The following ACAP2 variants were observed in gnomAD, a reference collection of about 807,000 sequenced individuals.
ACAP2 encodes the protein ArfGAP with coiled-coil, ankyrin repeat and PH domains 2.
ACAP2 carries 39 observed loss-of-function variants against 115.8 expected under a neutral mutation model. That is an observed-to-expected ratio of 0.34 (90% CI 0.26 to 0.44). The LOEUF is 0.44. Ranked by LOEUF, ACAP2 falls within the 20% of genes least tolerant of loss-of-function variation. ACAP2 has a pLI of 1.00. For synonymous variants in ACAP2, 289 were observed against 315.8 expected, an observed-to-expected ratio of 0.92 and a Z score of 0.90; for missense variants, 662 against 927.6, an observed-to-expected ratio of 0.71 and a Z score of 3.72.
At chr3:195,333,854 G>A (rs1481919623) in intron 7 of ACAP2, among the ~76,000 whole-genome samples, 1 of 152,144 alleles carries the variant, frequency 6.6e-6, no homozygotes. Flanking sequence ...CAATCTACGA[G>A]AGCACAAGCA....
At chr3:195,376,407 T>A (rs1269911573) in intron 4 of ACAP2, among the ~76,000 whole-genome samples, 4 of 151,762 alleles carry the variant, frequency 2.6e-5, no homozygotes, top group South Asian at 2.1e-4. Context: ...ATATATATAT[T>A]GTGATAAAAC....
At chr3:195,327,060 C>T in intron 8 of ACAP2, 101 bp from the exon 9 acceptor site, 2 of 1,091,630 alleles carry the variant, frequency 1.8e-6, no homozygotes, top group Non-Finnish European at 2.6e-6. Flanking sequence ...AAAAATCACT[C>T]AATTTAAGCT....
In ACAP2 at chr3:195,315,762, T is replaced by C. The variant is rs140568192; in HGVS notation, c.857+4939A>G. Among the ~76,000 whole-genome samples the C allele has an allele frequency of 3.6e-3, 548 of 152,372 alleles. 3 individuals are homozygous for C. Among genetic ancestry groups the C allele is most frequent in the African/African-American group, 0.012 (491 of 41,588 alleles). On this transcript the variant is annotated intron_variant, in intron 10 of 22. Coordinates refer to ENST00000326793, the MANE Select transcript of ACAP2 (RefSeq NM_012287.6). ...AAAAACAGCCTAATTTCCAAAGGCA[T>C]TGTTTTTTTCACTTTGTAAATAGGA...
chr3:195,328,895 C>T (rs1309592112), intron 8 of ACAP2, among the ~76,000 whole-genome samples: 2 of 152,076 alleles, frequency 1.3e-5, no homozygotes, highest in East Asian at 1.9e-4. Flanking sequence ...CTGGCTAACA[C>T]GGTGAAACCG....
chr3:195,317,430 T>C (rs569954651), intron 10 of ACAP2, among the ~76,000 whole-genome samples: 1 of 152,178 alleles, frequency 6.6e-6, no homozygotes. Flanking sequence ...AATAATATAA[T>C]AGTAAATCAA....
At chr3:195,437,885 CTT>C (rs1186712431) in intron 1 of ACAP2, among the ~76,000 whole-genome samples, 24 of 90,728 alleles carry the variant, frequency 2.6e-4, no homozygotes, top group South Asian at 4.3e-4. Context: ...ACTTTACATG[CTT>C]TTTTTTTTTT....
intron 10 of ACAP2, among the ~76,000 whole-genome samples, chr3:195,314,531 A>T (rs910219932): frequency 6.6e-6 from 1 of 152,182 alleles, no homozygotes; most frequent in East Asian, 1.9e-4. Flanking sequence ...GGCCTCCCAA[A>T]GTGCTGGGAT....
chr3:195,439,516 T>C (rs1426136921), intron 1 of ACAP2, among the ~76,000 whole-genome samples: 2 of 152,180 alleles, frequency 1.3e-5, no homozygotes, highest in East Asian at 3.8e-4. Context: ...GACAAAAATC[T>C]TTCATAATTC....
chr3:195,291,001 G>A (rs1297083076), intron 20 of ACAP2, among the ~76,000 whole-genome samples: 4 of 152,050 alleles, frequency 2.6e-5, no homozygotes, highest in African/African-American at 9.7e-5. Context: ...GCAACAGGGC[G>A]AGACCCTGTC....
intron 1 of ACAP2, among the ~76,000 whole-genome samples, chr3:195,440,586 CCA>C (rs1715919062): frequency 6.6e-6 from 1 of 152,112 alleles, no homozygotes; most frequent in Non-Finnish European, 1.5e-5. Context: ...AAAAACAAGC[CCA>C]GGCCTCACAA....
intron 4 of ACAP2, among the ~76,000 whole-genome samples, chr3:195,363,526 C>CA (rs1301062578): frequency 1.3e-5 from 2 of 151,958 alleles, no homozygotes; most frequent in African/African-American, 2.4e-5. Context: ...CCTGTGGTCC[C>CA]AGCTGCTCTG....
intron 1 of ACAP2, among the ~76,000 whole-genome samples, chr3:195,399,930 G>A (rs1283823424): frequency 6.6e-6 from 1 of 152,170 alleles, no homozygotes; most frequent in Non-Finnish European, 1.5e-5. Flanking sequence ...TGTAATCCCA[G>A]CACTTTGGGA....
chr3:195,433,383 A>G (rs181566743), intron 1 of ACAP2, among the ~76,000 whole-genome samples: 27 of 152,352 alleles, frequency 1.8e-4, no homozygotes, highest in Admixed American at 1.4e-3. Context: ...CTGATTGTAC[A>G]AGACTTATTA....
At chr3:195,391,308 C>CA (rs761377272) in intron 2 of ACAP2, among the ~76,000 whole-genome samples, 10 of 149,738 alleles carry the variant, frequency 6.7e-5, no homozygotes, top group Non-Finnish European at 1.5e-4. Flanking sequence ...CAGCTCACAG[C>CA]AACCTCCACT....
chr3:195,322,923 G>T (rs1378017403), intron 9 of ACAP2, among the ~76,000 whole-genome samples: 1 of 152,064 alleles, frequency 6.6e-6, no homozygotes, highest in African/African-American at 2.4e-5. Context: ...CATAACTTTA[G>T]CAATGAAATA....
In ACAP2 at chr3:195,442,983, T is replaced by A; in HGVS notation, c.-136A>T. 1 of 725,912 alleles carries A rather than the reference T, an allele frequency of 1.4e-6. No individual in the cohort carries two copies. The highest frequency in any genetic ancestry group is 2.1e-6 in the Non-Finnish European group (1 of 482,132). 45.0% of individuals were successfully genotyped at this position (725,912 alleles called of 1,614,324 possible). On this transcript the variant is annotated 5_prime_UTR_variant, in exon 1 of 23. Transcript: ENST00000326793. Reference sequence around the variant, plus strand: ...GAGCTGCGAAGGGCGCCTCGCCCGCTGGTCATAGCAGCCGCGAAGACGGCG... The same window carrying A: ...GAGCTGCGAAGGGCGCCTCGCCCGCAGGTCATAGCAGCCGCGAAGACGGCG...
At chr3:195,394,462 C>T (rs761792432) in intron 1 of ACAP2, among the ~76,000 whole-genome samples, 1 of 152,184 alleles carries the variant, frequency 6.6e-6, no homozygotes, top group Non-Finnish European at 1.5e-5. Flanking sequence ...TTTGTAACTT[C>T]TCCAATCTTA....
At chr3:195,306,032 C>G (rs1216639728) in intron 13 of ACAP2, among the ~76,000 whole-genome samples, 1 of 152,052 alleles carries the variant, frequency 6.6e-6, no homozygotes, top group Non-Finnish European at 1.5e-5. Flanking sequence ...TTTACTCACT[C>G]ACTGCGTTGC....
intron 1 of ACAP2, among the ~76,000 whole-genome samples, chr3:195,414,531 A>G (rs1479780343): frequency 6.6e-6 from 1 of 152,230 alleles, no homozygotes; most frequent in Non-Finnish European, 1.5e-5. Flanking sequence ...GGAAGCAACC[A>G]AGATGTCTTT....
Sources: gnomAD v4.1 joint callset for allele counts (sites outside exome capture counted in the v4.1 genomes callset) on GRCh38, gnomAD v4.1.1 for gene constraint, MANE v1.5 for transcripts, NCBI Gene and HGNC (gene_info 2026-07-23, HGNC 2026-07-21) for gene names.